Variants in CALN1 observed in about 807,000 individuals in gnomAD.
CALN1 encodes calneuron 1, also known as calcium-binding protein 8.
Under a neutral mutation model 30.6 loss-of-function variants are expected in CALN1, and 17 were observed. The ratio of observed to expected loss-of-function variants is 0.56; its 90% CI spans 0.38 to 0.83. CALN1 has a LOEUF of 0.83. Among genes scored for constraint, CALN1 ranks in the 40% least tolerant of loss-of-function variants. The pLI is 0.00. For synonymous variants in CALN1, 156 were observed against 131.4 expected (o/e 1.19, Z -1.28); for missense variants, 291 against 354.9 (o/e 0.82, Z 1.45).
chr7:72,286,795 GGAAGAACTTTCAA>G (rs1330843527), intron 2 of CALN1, among the ~76,000 whole-genome samples: 1 of 152,136 alleles, frequency 6.6e-6, no homozygotes, highest in Non-Finnish European at 1.5e-5. Context: ...CATTAGAGAA[GGAAGAACTTTCAA>G]GAAGAAGTAC....
At chr7:71,986,748 G>T (rs1220899622) in intron 5 of CALN1, among the ~76,000 whole-genome samples, 1 of 152,184 alleles carries the variant, frequency 6.6e-6, no homozygotes, top group East Asian at 1.9e-4. Flanking sequence ...TTTAACATTT[G>T]TTCAGTACAG....
intron 2 of CALN1, among the ~76,000 whole-genome samples, chr7:72,295,008 T>G (rs998052635): frequency 4.0e-5 from 6 of 151,356 alleles, no homozygotes; most frequent in Non-Finnish European, 7.4e-5. Context: ...AAAAAGTTGG[T>G]CTACCACAGT....
At chr7:71,987,650 G>C (rs1036383960) in intron 5 of CALN1, among the ~76,000 whole-genome samples, 1 of 152,186 alleles carries the variant, frequency 6.6e-6, no homozygotes. Context: ...GATCATGAAG[G>C]GTTTCGGAAT....
At chr7:72,220,934 T>C (rs1467319571) in intron 3 of CALN1, among the ~76,000 whole-genome samples, 3 of 152,244 alleles carry the variant, frequency 2.0e-5, no homozygotes, top group East Asian at 3.8e-4. Flanking sequence ...TTGTAGATTC[T>C]GGGTATTAGC....
At chr7:71,913,384 T>C (rs938594700) in intron 5 of CALN1, among the ~76,000 whole-genome samples, 1 of 152,002 alleles carries the variant, frequency 6.6e-6, no homozygotes, top group African/African-American at 2.4e-5. Context: ...CTTCAAAAGA[T>C]CAGAGGGGCA....
chr7:72,237,991 A>G lies in CALN1; in HGVS notation c.244+40695T>C, dbSNP rs529124806. 5.9e-5 allele frequency among the ~76,000 whole-genome samples: 9 copies of G among 152,324 alleles called. No homozygotes were observed. In the South Asian group the frequency reaches 1.9e-3, roughly 32 times the overall value. On this transcript the variant is annotated intron_variant, in intron 3 of 6. Coordinates refer to ENST00000395275, the MANE Select transcript of CALN1 (RefSeq NM_031468.4). ...TGAATGTATAAATCTAGCATCTTGA[A>G]GGACTCCAAAAACAGAGGTGGCATT...
chr7:72,151,542 C>T (rs1033014971), intron 3 of CALN1, among the ~76,000 whole-genome samples: 5 of 152,188 alleles, frequency 3.3e-5, no homozygotes, highest in Non-Finnish European at 7.3e-5. Context: ...AATAGACCCA[C>T]ACGTCACATT....
At chr7:71,875,114 G>T (rs1474416645) in intron 5 of CALN1, among the ~76,000 whole-genome samples, 1 of 129,672 alleles carries the variant, frequency 7.7e-6, no homozygotes, top group African/African-American at 2.9e-5. Flanking sequence ...GCAGTGAGTT[G>T]AGATCATACC....
chr7:72,120,225 C>A (rs1370988868), intron 3 of CALN1, among the ~76,000 whole-genome samples: 2 of 152,120 alleles, frequency 1.3e-5, no homozygotes, highest in Non-Finnish European at 2.9e-5. Flanking sequence ...TCTGCAATAA[C>A]CATTACTAAC....
At chr7:72,493,642 T>G in the CALN1 span, among the ~76,000 whole-genome samples, 3 of 152,216 alleles carry the variant, frequency 2.0e-5, no homozygotes, top group African/African-American at 7.2e-5. Context: ...CCTGGCCGAT[T>G]AATTATTCTT....
At chr7:72,178,697 AAAAG>A (rs557535746) in intron 3 of CALN1, among the ~76,000 whole-genome samples, 171 of 152,174 alleles carry the variant, frequency 1.1e-3, no homozygotes, top group South Asian at 9.4e-3. Context: ...TCAAAAAAAA[AAAAG>A]AAAGAAAGAA....
chr7:72,320,346 G>C (rs1800785899), intron 2 of CALN1, among the ~76,000 whole-genome samples: 1 of 152,156 alleles, frequency 6.6e-6, no homozygotes, highest in Non-Finnish European at 1.5e-5. Context: ...AGTGAGTCGA[G>C]CCTGAAGTGC....
chr7:72,274,775 A>T (rs1027778263), intron 3 of CALN1, among the ~76,000 whole-genome samples: 1 of 152,166 alleles, frequency 6.6e-6, no homozygotes, highest in Non-Finnish European at 1.5e-5. Context: ...CCGTTTAATG[A>T]ATGAATAAAA....
intron 2 of CALN1, among the ~76,000 whole-genome samples, chr7:72,392,304 G>A (rs1205333583): frequency 1.3e-5 from 2 of 152,178 alleles, no homozygotes; most frequent in African/African-American, 2.4e-5. Context: ...CTGAATTCCT[G>A]ACCTCGAGAT....
chr7:71,976,272 C>G (rs1798098896), intron 5 of CALN1, among the ~76,000 whole-genome samples: 1 of 152,102 alleles, frequency 6.6e-6, no homozygotes, highest in Admixed American at 6.5e-5. Context: ...GTAACATCCC[C>G]AAGCAGGGTG....
At chr7:71,906,727 T>G (rs1381319483) in intron 5 of CALN1, among the ~76,000 whole-genome samples, 1 of 152,106 alleles carries the variant, frequency 6.6e-6, no homozygotes, top group East Asian at 1.9e-4. Context: ...CAAGTTTTCA[T>G]GAGAATGATG....
At chr7:71,996,619 C>T (rs759029056) in intron 5 of CALN1, among the ~76,000 whole-genome samples, 1 of 152,122 alleles carries the variant, frequency 6.6e-6, no homozygotes, top group Non-Finnish European at 1.5e-5. Context: ...CTTTCTTTAT[C>T]CAGTCTGTCA....
intron 4 of CALN1, among the ~76,000 whole-genome samples, chr7:72,026,643 T>A (rs1258310150): frequency 6.6e-6 from 1 of 151,962 alleles, no homozygotes; most frequent in African/African-American, 2.4e-5. Flanking sequence ...CTTGATCTCC[T>A]GGGCTCAAGT....
intron 5 of CALN1, among the ~76,000 whole-genome samples, chr7:71,896,878 T>C (rs1793560355): frequency 6.6e-6 from 1 of 152,140 alleles, no homozygotes; most frequent in Non-Finnish European, 1.5e-5. Flanking sequence ...GCGAGATTCC[T>C]GGGAGGAGGG....
Sources: allele counts gnomAD v4.1 joint callset (sites outside exome capture counted in the v4.1 genomes callset), GRCh38; gene constraint gnomAD v4.1.1; transcripts MANE v1.5; gene names NCBI Gene and HGNC (gene_info 2026-07-23, HGNC 2026-07-21).